The following FHDC1 variants were observed in gnomAD, a reference collection of about 807,000 sequenced individuals.
FHDC1 encodes FH2 domain-containing protein 1.
Under a neutral mutation model 52.6 loss-of-function variants are expected in FHDC1, and 25 were observed. The ratio of observed to expected loss-of-function variants is 0.48; its 90% CI spans 0.35 to 0.66. The LOEUF is 0.66. Among genes scored for constraint, FHDC1 ranks in the 30% least tolerant of loss-of-function variants. FHDC1 has a pLI of 0.01. For missense variants in FHDC1, 1,459 were observed against 1,452.8 expected (o/e 1.00, Z -0.07); for synonymous variants, 616 against 581.5 (o/e 1.06, Z -0.85).
At chr4:152,952,159 G>C (rs1308740040) in intron 2 of FHDC1, among the ~76,000 whole-genome samples, 1 of 152,176 alleles carries the variant, frequency 6.6e-6, no homozygotes, top group African/African-American at 2.4e-5. Flanking sequence ...TAAAAGGTCT[G>C]TTGGACATAT....
intron 7 of FHDC1, 46 bp from the exon 8 acceptor site, chr4:152,962,977 G>GTGTGTGTGTA (rs1009270136): frequency 1.3e-6 from 2 of 1,504,232 alleles, no homozygotes; most frequent in African/African-American, 2.9e-5. Context: ...GTGTGTGTGT[G>GTGTGTGTGTA]TGTGTATGTA....
At chr4:152,942,674 T>C (rs893856995) in intron 1 of FHDC1, among the ~76,000 whole-genome samples, 4 of 152,254 alleles carry the variant, frequency 2.6e-5, no homozygotes, top group African/African-American at 9.6e-5. Context: ...GCTCTCAATA[T>C]AAATGTGCTT....
the FHDC1 span, among the ~76,000 whole-genome samples, chr4:152,928,697 G>T: frequency 1.3e-5 from 2 of 152,158 alleles, no homozygotes; most frequent in Admixed American, 1.3e-4. Context: ...CCCGGGTGAT[G>T]AAATGGAGCC....
chr4:152,976,785 G>A lies in FHDC1; in HGVS notation c.*62G>A, dbSNP rs1740906667. ...CGGTGAAGACTGACTTCTGGGACGA[G>A]GATGGGGAAAGAGGCAGCATGTCTT... On this transcript the variant is annotated 3_prime_UTR_variant, in exon 12 of 12. Coordinates refer to ENST00000511601, the MANE Select transcript of FHDC1 (RefSeq NM_001371116.1). The A allele has an allele frequency of 6.9e-7, 1 of 1,441,726 alleles. No homozygotes were observed. Among genetic ancestry groups the A allele is most frequent in the South Asian group, 1.5e-5 (1 of 65,180 alleles). The allele number at this position is 1,441,726 out of a possible 1,614,324, so 89.3% of individuals were successfully genotyped here. A position where few individuals can be genotyped will look rare whatever the true frequency, so the allele number is the denominator to read the frequency against.
chr4:152,918,603 A>G, the FHDC1 span: 3 of 152,264 alleles, frequency 2.0e-5, no homozygotes, highest in Non-Finnish European at 1.5e-5. Context: ...TGATCACTTT[A>G]TCAAATTTCT....
chr4:152,954,074 T>C (rs1419575279), intron 3 of FHDC1, 143 bp from the exon 4 acceptor site: 2 of 649,336 alleles, frequency 3.1e-6, no homozygotes, highest in Non-Finnish European at 2.7e-6. Context: ...GGGGCTGTTA[T>C]GAGCACTCAC....
chr4:152,940,638 C>G (rs1739549908), intron 1 of FHDC1, among the ~76,000 whole-genome samples: 1 of 152,220 alleles, frequency 6.6e-6, no homozygotes, highest in African/African-American at 2.4e-5. Context: ...GAATGAGTTA[C>G]TGCTTTCTAG....
At chr4:152,955,578 G>A (rs544383415) in intron 4 of FHDC1, among the ~76,000 whole-genome samples, 9 of 152,190 alleles carry the variant, frequency 5.9e-5, no homozygotes, top group African/African-American at 2.2e-4. Context: ...TCCACCTCCC[G>A]GATTCAAGCG....
chr4:152,958,400 TAAAG>T (rs1388734207), intron 4 of FHDC1, among the ~76,000 whole-genome samples: 4 of 152,202 alleles, frequency 2.6e-5, no homozygotes, highest in African/African-American at 9.6e-5. Context: ...TAATCCCTCT[TAAAG>T]AACATAAATC....
intron 9 of FHDC1, 79 bp downstream of exon 9, chr4:152,965,054 C>T: frequency 7.5e-7 from 1 of 1,341,240 alleles, no homozygotes; most frequent in Non-Finnish European, 1.0e-6. Flanking sequence ...TTTTAGATTC[C>T]AGTTTGAAGT....
intron 1 of FHDC1, among the ~76,000 whole-genome samples, chr4:152,942,406 G>A (rs1255503648): frequency 6.6e-6 from 1 of 152,134 alleles, no homozygotes; most frequent in Admixed American, 6.5e-5. Context: ...CTGATTCCAG[G>A]GAAATGAGCT....
the FHDC1 span, among the ~76,000 whole-genome samples, chr4:152,921,989 G>T: frequency 6.6e-6 from 1 of 152,016 alleles, no homozygotes; most frequent in African/African-American, 2.4e-5. Context: ...CTAGCAGAAG[G>T]CAAGAAATAA....
rs1490508627 is a variant in FHDC1 at position 152,977,866 on chromosome 4, T to C, written c.*1143T>C. The C allele has an allele frequency of 6.6e-6, 1 of 152,220 alleles. No homozygotes were observed. Among genetic ancestry groups the C allele is most frequent in the Non-Finnish European group, 1.5e-5 (1 of 68,074 alleles). 9.4% of individuals were successfully genotyped at this position (152,220 alleles called of 1,614,324 possible). ...ACTGGACTTCCCCATAAGCCTTGGG[T>C]ATCCTGTGATGGGCTGTGTCTCCCT... On this transcript the variant is annotated 3_prime_UTR_variant, in exon 12 of 12. Coordinates refer to ENST00000511601, the MANE Select transcript of FHDC1 (RefSeq NM_001371116.1).
In FHDC1 at chr4:152,964,936, A is replaced by C; in HGVS notation, c.1061A>C (p.Asn354Thr). 1.9e-6 allele frequency: 3 copies of C among 1,612,682 alleles called. No homozygotes were observed. The highest frequency in any genetic ancestry group is 1.7e-6 in the Non-Finnish European group (2 of 1,179,482). ...EAQKKDTILL[N>T]FSEKLHHVQK... ...CAAAAGAAAGATACCATTCTTCTAA[A>C]CTTTTCAGAAAAATTGCATCATGTT... Residue 354 changes from asparagine (N) to threonine (T), a missense_variant, in exon 9 of 12, where the codon AAC becomes ACC. This residue lies in a region of FHDC1 where 513 missense variants were observed against 581.5 expected (regional missense o/e 0.88). Coordinates refer to ENST00000511601, the MANE Select transcript of FHDC1 (RefSeq NM_001371116.1).
chr4:152,952,920 T>A (rs977698589), intron 2 of FHDC1, among the ~76,000 whole-genome samples: 14 of 152,046 alleles, frequency 9.2e-5, no homozygotes, highest in Non-Finnish European at 1.5e-5. Context: ...TCACTTGAGG[T>A]CAACAGTTCA....
At position 152,975,362 on chromosome 4, in the gene FHDC1, G is replaced by A. The variant is rs1221948147; in HGVS notation, c.2071G>A (p.Glu691Lys). 3 of 1,613,716 alleles carry A rather than the reference G, an allele frequency of 1.9e-6. No individual in the cohort carries two copies. In the East Asian group the frequency reaches 6.7e-5, roughly 36 times the overall value. The stretch of plus-strand genomic sequence containing the variant: ...CAACCTCCAGGGTTCCCAGGGCATG[G>A]AGGAGACCTCCCAGCTGACTCTGAG... ...QFNLQGSQGM[E>K]ETSQLTLSDF... The change falls in exon 12 of 12, where the codon GAG becomes AAG. Residue 691 changes from glutamate to lysine, a missense_variant. Glu to Lys is a moderately conservative substitution (Grantham distance 56). Coordinates refer to ENST00000511601, the MANE Select transcript of FHDC1 (RefSeq NM_001371116.1).
chr4:152,939,426 G>T (rs958312233), intron 1 of FHDC1, among the ~76,000 whole-genome samples: 1 of 152,088 alleles, frequency 6.6e-6, no homozygotes, highest in Non-Finnish European at 1.5e-5. Flanking sequence ...GAGCCACCGC[G>T]CCTGGCCGAG....
chr4:152,927,187 C>T, the FHDC1 span, among the ~76,000 whole-genome samples: 3 of 152,234 alleles, frequency 2.0e-5, no homozygotes, highest in Non-Finnish European at 4.4e-5. Context: ...CTTTAGATCT[C>T]GACCAAGTTT....
In FHDC1 at chr4:152,975,103, C is replaced by T. The variant is rs765920984; in HGVS notation, c.1812C>T (p.Ala604=). ...CCAGCTTTGCACACAAACCTCAGGCCTCGGGGGGCCAGGAGGAGGCCCCCA... is the reference window on the plus strand; with the variant it reads ...CCAGCTTTGCACACAAACCTCAGGCTTCGGGGGGCCAGGAGGAGGCCCCCA... The part of the protein sequence containing the change: ...QDSSFAHKPQ[A]SGGQEEAPNP... The change falls in exon 12 of 12, where the codon GCC becomes GCT. Residue 604 remains alanine, a synonymous_variant. Transcript: ENST00000511601. 6.2e-7 allele frequency: 1 copy of T among 1,612,692 alleles called. No homozygotes were observed. Among genetic ancestry groups the T allele is most frequent in the South Asian group, 1.1e-5 (1 of 91,074 alleles).
Sources: gnomAD v4.1 joint callset for allele counts (sites outside exome capture counted in the v4.1 genomes callset) on GRCh38, gnomAD v4.1.1 for gene constraint, gnomAD v4.1.1 regional missense constraint, MANE v1.5 for transcripts, NCBI Gene and HGNC (gene_info 2026-07-23, HGNC 2026-07-21) for gene names.